MYO5B: variants seen among roughly 807,000 people sequenced by gnomAD.
The protein encoded by MYO5B is unconventional myosin-Vb.
In MYO5B, 143 loss-of-function variants were observed where a neutral mutation model predicts 229.3. That is an observed-to-expected ratio of 0.62 (90% CI 0.54 to 0.72). The LOEUF is 0.72. Among genes scored for constraint, MYO5B ranks in the 30% least tolerant of loss-of-function variants. The pLI, the probability that MYO5B is intolerant of heterozygous loss-of-function variation, is 0.00. For synonymous variants in MYO5B, 918 were observed against 885.2 expected (o/e 1.04, Z -0.66); for missense variants, 2,321 against 2,331.0 (o/e 1.00, Z 0.09).
intron 2 of MYO5B, 120 bp from the exon 3 acceptor site, chr18:50,040,434 T>C (rs2029979332): frequency 9.3e-7 from 1 of 1,073,290 alleles, no homozygotes; most frequent in East Asian, 2.4e-5. Flanking sequence ...ATGAAGATAA[T>C]GTTTTAAAGA....
At chr18:49,831,981 C>T (rs767393849) in intron 39 of MYO5B, among the ~76,000 whole-genome samples, 10 of 151,826 alleles carry the variant, frequency 6.6e-5, no homozygotes, top group Non-Finnish European at 1.3e-4. Flanking sequence ...AAGCCAGACC[C>T]GAAAGAATAT....
intron 14 of MYO5B, among the ~76,000 whole-genome samples, chr18:49,943,892 G>C (rs1423583937): frequency 6.6e-6 from 1 of 152,174 alleles, no homozygotes; most frequent in Non-Finnish European, 1.5e-5. Flanking sequence ...GATTCTCTTA[G>C]GGAGGGAAGT....
intron 1 of MYO5B, among the ~76,000 whole-genome samples, chr18:50,079,114 C>T (rs2031154906): frequency 6.6e-6 from 1 of 152,206 alleles, no homozygotes; most frequent in South Asian, 2.1e-4. Context: ...TTCTGGGATG[C>T]TGGTAAGTTC....
rs919954074 is a variant in MYO5B, at chr18:49,994,657, T to TA, written c.613-2227dup. The stretch of plus-strand genomic sequence containing the variant: ...AGTCACCTAACTGGAAGAGTTTACG[T>TA]AATCAGCTTCCTCCAACCAAAGGCG... On this transcript the variant is annotated intron_variant, in intron 5 of 39. Coordinates refer to ENST00000285039, the MANE Select transcript of MYO5B (RefSeq NM_001080467.3). 5.9e-5 allele frequency among the ~76,000 whole-genome samples: 9 copies of TA among 152,318 alleles called. No homozygotes were observed. In the South Asian group the frequency reaches 6.2e-4, roughly 11 times the overall value.
intron 1 of MYO5B, among the ~76,000 whole-genome samples, chr18:50,135,694 G>A (rs986063238): frequency 6.6e-6 from 1 of 152,158 alleles, no homozygotes; most frequent in Non-Finnish European, 1.5e-5. Context: ...AAAGACAATT[G>A]AGATTCCATG....
At chr18:49,868,269 A>C (rs966149761) in intron 27 of MYO5B, among the ~76,000 whole-genome samples, 10 of 152,204 alleles carry the variant, frequency 6.6e-5, no homozygotes, top group African/African-American at 2.4e-4. Context: ...AATTACTTTA[A>C]TAAATTTACA....
rs901598230 is a variant in MYO5B at position 50,194,870 on chromosome 18, G to A, written c.-77C>T. ...TCAGTCCGCGGCTGGCCCGCCTGGC[G>A]CCATGTTCCCGGGCTGGCCTGGAGT... On this transcript the variant is annotated 5_prime_UTR_variant, in exon 1 of 40. Coordinates refer to ENST00000285039, the MANE Select transcript of MYO5B (RefSeq NM_001080467.3). 18 of 1,239,988 alleles carry A rather than the reference G, an allele frequency of 1.5e-5. No individual in the cohort carries two copies. Among genetic ancestry groups the A allele is most frequent in the Non-Finnish European group, 1.8e-5 (18 of 994,190 alleles). The allele number at this position is 1,239,988 out of a possible 1,614,324, so 76.8% of individuals were successfully genotyped here. A position where few individuals can be genotyped will look rare whatever the true frequency, so the allele number is the denominator to read the frequency against.
intron 1 of MYO5B, among the ~76,000 whole-genome samples, chr18:50,077,501 AAACAC>A (rs2031114401): frequency 3.3e-5 from 4 of 120,288 alleles, no homozygotes; most frequent in South Asian, 2.3e-4. Flanking sequence ...ACACACACAC[AAACAC>A]ACACACACAC....
At chr18:50,193,589 T>C (rs773546214) in intron 1 of MYO5B, among the ~76,000 whole-genome samples, 16 of 152,214 alleles carry the variant, frequency 1.1e-4, no homozygotes, top group Non-Finnish European at 1.9e-4. Flanking sequence ...CCCAGACCTG[T>C]TGGCCCGGGC....
At chr18:50,118,396 T>C (rs574911139) in intron 1 of MYO5B, among the ~76,000 whole-genome samples, 102 of 152,330 alleles carry the variant, frequency 6.7e-4, no homozygotes, top group African/African-American at 2.3e-3. Flanking sequence ...GTCTTTCTGG[T>C]GAAGAGCACT....
chr18:50,062,989 T>A (rs1351433133), intron 1 of MYO5B, among the ~76,000 whole-genome samples: 2 of 152,144 alleles, frequency 1.3e-5, no homozygotes, highest in Admixed American at 6.5e-5. Flanking sequence ...GATTAAATAA[T>A]GTATATGAAA....
intron 30 of MYO5B, among the ~76,000 whole-genome samples, chr18:49,855,444 G>A (rs959016884): frequency 6.6e-6 from 1 of 152,200 alleles, no homozygotes; most frequent in Non-Finnish European, 1.5e-5. Flanking sequence ...ATGAAACCAT[G>A]TCTGATCTGC....
At position 50,040,203 on chromosome 18, in the gene MYO5B, C is replaced by A; in HGVS notation, c.250G>T (p.Ala84Ser). The A allele has an allele frequency of 1.2e-6, 2 of 1,614,096 alleles. No homozygotes were observed. Among genetic ancestry groups the A allele is most frequent in the Non-Finnish European group, 1.7e-6 (2 of 1,180,014 alleles). ...CGGACCTTCAAATTATGCAAAACTGCAGGCTCATGAAGATAGCTAAGGGCA... is the reference window on the plus strand; with the variant it reads ...CGGACCTTCAAATTATGCAAAACTGAAGGCTCATGAAGATAGCTAAGGGCA... The part of the protein sequence containing the change: ...LTALSYLHEP[A>S]VLHNLKVRFL... Residue 84 changes from alanine (A) to serine (S), a missense_variant, in exon 3 of 40, where the codon GCA (alanine) becomes TCA (serine). Ala to Ser is a moderately conservative substitution (Grantham distance 99, BLOSUM62 1). Around this residue, in one of 2 missense-constraint regions of MYO5B, gnomAD observed 2,113 missense variants for 2,044.7 expected, o/e 1.03. Transcript: ENST00000285039.
At chr18:49,941,484 A>G (rs1403868043) in intron 14 of MYO5B, among the ~76,000 whole-genome samples, 4 of 152,202 alleles carry the variant, frequency 2.6e-5, no homozygotes, top group Non-Finnish European at 5.9e-5. Context: ...TGCAGAGTCT[A>G]AATAGCTCCA....
chr18:49,853,180 C>A (rs1409748931), intron 31 of MYO5B, among the ~76,000 whole-genome samples: 2 of 152,196 alleles, frequency 1.3e-5, no homozygotes, highest in Admixed American at 6.5e-5. Context: ...AAGCCAGCAG[C>A]CAGGTAAAGC....
chr18:50,193,878 G>A (rs2033261847), intron 1 of MYO5B, among the ~76,000 whole-genome samples: 3 of 152,366 alleles, frequency 2.0e-5, no homozygotes, highest in Admixed American at 2.0e-4. Context: ...CCTGGAAGCG[G>A]TGGCTTGTCC....
At chr18:49,830,250 T>C (rs559494913) in intron 39 of MYO5B, among the ~76,000 whole-genome samples, 4 of 151,970 alleles carry the variant, frequency 2.6e-5, no homozygotes, top group Non-Finnish European at 5.9e-5. Context: ...TTCTATTCAC[T>C]AGTAATGAAT....
At chr18:49,918,741 T>A (rs756354663) in intron 17 of MYO5B, among the ~76,000 whole-genome samples, 1 of 152,238 alleles carries the variant, frequency 6.6e-6, no homozygotes. Flanking sequence ...ACAGGCTGTC[T>A]CTGGATATTG....
At chr18:49,958,685 G>A (rs1404704552) in intron 12 of MYO5B, among the ~76,000 whole-genome samples, 3 of 152,060 alleles carry the variant, frequency 2.0e-5, no homozygotes, top group South Asian at 2.1e-4. Context: ...GTTCAAACTC[G>A]CTGTCTCCAC....
Sources: gnomAD v4.1 joint callset for allele counts (sites outside exome capture counted in the v4.1 genomes callset) on GRCh38, gnomAD v4.1.1 for gene constraint, gnomAD v4.1.1 regional missense constraint, MANE v1.5 for transcripts, NCBI Gene and HGNC (gene_info 2026-07-23, HGNC 2026-07-21) for gene names.